Variants in SLC6A2 observed in about 807,000 individuals in gnomAD.
SLC6A2 encodes the protein solute carrier family 6 member 2.
Under a neutral mutation model 71.7 loss-of-function variants are expected in SLC6A2, and 26 were observed. The observed-to-expected ratio is 0.36, with a 90% confidence interval of 0.27 to 0.50. The LOEUF is 0.50. Among genes scored for constraint, SLC6A2 ranks in the 20% least tolerant of loss-of-function variants. The pLI, the probability that SLC6A2 is intolerant of heterozygous loss-of-function variation, is 0.96. For synonymous variants in SLC6A2, 363 were observed against 337.9 expected (o/e 1.07, Z -0.82); for missense variants, 581 against 803.9 (o/e 0.72, Z 3.35).
intron 13 of SLC6A2, 46 bp downstream of exon 13, chr16:55,700,352 G>A: frequency 6.6e-7 from 1 of 1,524,442 alleles, no homozygotes; most frequent in African/African-American, 1.4e-5. Flanking sequence ...AGGGGGCTGA[G>A]GGGGAAGACG....
At position 55,692,038 on chromosome 16, in the gene SLC6A2, T is replaced by C. The variant is rs1965650297; in HGVS notation, c.904T>C (p.Leu302=). ...NAYLHIDFYR[L]KEATVWIDAA... is the part of the protein sequence containing the mutation. ...CTACCTGCACATCGACTTCTACCGC[T>C]TGAAAGAGGCCACGGTCAGTGCTCA... is the stretch of plus-strand genomic sequence containing the variant. The change falls in exon 6 of 15, where the codon TTG becomes CTG. Residue 302 remains leucine (L), a synonymous_variant. Transcript: ENST00000568943. 6.2e-7 allele frequency: 1 copy of C among 1,614,156 alleles called. No homozygotes were observed. The highest frequency in any genetic ancestry group is 8.5e-7 in the Non-Finnish European group (1 of 1,180,024).
In SLC6A2 at chr16:55,703,045, T is replaced by C. The variant is rs1166894905; in HGVS notation, c.*699T>C. 7.1e-6 allele frequency: 7 copies of C among 986,646 alleles called. No individual in the cohort carries two copies. Among genetic ancestry groups the C allele is most frequent in the African/African-American group, 1.7e-5 (1 of 57,230 alleles). The allele number at this position is 986,646 out of a possible 1,614,324, so 61.1% of individuals were successfully genotyped here. A position where few individuals can be genotyped will look rare whatever the true frequency, so the allele number is the denominator to read the frequency against. ...TTGGTGGTCAGATGGCCCAGAGATATGGGGGACAGGAGGAAGAGGGTAAAT... is the reference window on the plus strand; with the variant it reads ...TTGGTGGTCAGATGGCCCAGAGATACGGGGGACAGGAGGAAGAGGGTAAAT... On this transcript the variant is annotated 3_prime_UTR_variant, in exon 15 of 15. Transcript: ENST00000568943.
intron 4 of SLC6A2, among the ~76,000 whole-genome samples, chr16:55,681,771 C>A (rs2142546475): frequency 6.6e-6 from 1 of 152,366 alleles, no homozygotes; most frequent in African/African-American, 2.4e-5. Context: ...CTGCCTCTGG[C>A]AGACAGACAA....
rs1331932710 is a variant in SLC6A2 at position 55,703,339 on chromosome 16, T to G, written c.*993T>G. 1 of 985,364 alleles carries G rather than the reference T, an allele frequency of 1.0e-6. No homozygotes were observed. The highest frequency in any genetic ancestry group is 1.2e-6 in the Non-Finnish European group (1 of 829,968). 61.0% of individuals were successfully genotyped at this position (985,364 alleles called of 1,614,324 possible). Reference sequence around the variant, plus strand: ...GGCTGTTGTGTTAATTTATTGTTCTTGCACACCTGCACAGCCTCCCTCTGG... The same window carrying G: ...GGCTGTTGTGTTAATTTATTGTTCTGGCACACCTGCACAGCCTCCCTCTGG... On this transcript the variant is annotated 3_prime_UTR_variant, in exon 15 of 15. Transcript: ENST00000568943.
chr16:55,658,361 A>C (rs1421657792), intron 2 of SLC6A2, among the ~76,000 whole-genome samples: 5 of 152,108 alleles, frequency 3.3e-5, no homozygotes. Context: ...AAAATACAAA[A>C]ACTTAGCTGG....
rs760211721 is a variant in SLC6A2 at position 55,656,744 on chromosome 16, C to T, written c.50C>T (p.Ala17Val). The T allele has an allele frequency of 8.7e-6, 14 of 1,612,884 alleles. No individual in the cohort carries two copies. The Admixed American group carries it at 1.7e-4, about 19-fold the overall frequency. ...NPQVQPENNGADTGPEQPLRA... is the reference protein window; with the variant it reads ...NPQVQPENNGVDTGPEQPLRA... ...CAGGTGCAGCCCGAGAACAACGGGGCGGACACGGGTCCAGAGCAGCCCCTT... is the reference window on the plus strand; with the variant it reads ...CAGGTGCAGCCCGAGAACAACGGGGTGGACACGGGTCCAGAGCAGCCCCTT... The change falls in exon 2 of 15, where the codon GCG (alanine) becomes GTG (valine). Residue 17 changes from alanine (A) to valine (V), a missense_variant. Ala to Val is a moderately conservative substitution (Grantham distance 64, BLOSUM62 0). Coordinates refer to ENST00000568943, the MANE Select transcript of SLC6A2 (RefSeq NM_001172501.3). This position sits in a 1 kb window ranked among gnomAD's most constrained non-coding sequence, Gnocchi z 4.5.
Position 55,672,022 on chromosome 16 carries a change from TCTC to T in SLC6A2, c.497_499del (p.Ser166del). The T allele has an allele frequency of 6.2e-7, 1 of 1,614,070 alleles. No homozygotes were observed. Among genetic ancestry groups the T allele is most frequent in the Non-Finnish European group, 8.5e-7 (1 of 1,180,012 alleles). Reference sequence around the variant, plus strand: ...ATCGCCTGGTCACTCTACTACCTCTTCTCCTCCTTCACCCTCAACCTGCCCTGG... The same window carrying T: ...ATCGCCTGGTCACTCTACTACCTCTTCTCCTTCACCCTCAACCTGCCCTGG... On this transcript the variant is annotated inframe_deletion, in exon 4 of 15. Transcript: ENST00000568943.
chr16:55,675,604 G>A (rs1471158683), intron 4 of SLC6A2, among the ~76,000 whole-genome samples: 2 of 152,266 alleles, frequency 1.3e-5, no homozygotes, highest in African/African-American at 4.8e-5. Context: ...TGATAGAAAT[G>A]GTCTATATCT....
chr16:55,677,216 G>A (rs997439864), intron 4 of SLC6A2, among the ~76,000 whole-genome samples: 4 of 152,164 alleles, frequency 2.6e-5, no homozygotes, highest in Non-Finnish European at 5.9e-5. Context: ...CAGAGAGCTT[G>A]CAGGTGGGGG....
Position 55,704,446 on chromosome 16 carries a change from A to T in SLC6A2, c.*2100A>T, listed in dbSNP as rs1436612558. 1 of 152,068 alleles carries T rather than the reference A, an allele frequency of 6.6e-6. No homozygotes were observed. The highest frequency in any genetic ancestry group is 6.6e-5 in the Admixed American group (1 of 15,266). The allele number at this position is 152,068 out of a possible 1,614,324, so 9.4% of individuals were successfully genotyped here. A position where few individuals can be genotyped will look rare whatever the true frequency, so the allele number is the denominator to read the frequency against. ...CACCCAGGACTGTCATTTTTAAAAA[A>T]CTCATTCAAACCGCAAAGGAAAATT... On this transcript the variant is annotated 3_prime_UTR_variant, in exon 15 of 15. Coordinates refer to ENST00000568943, the MANE Select transcript of SLC6A2 (RefSeq NM_001172501.3).
chr16:55,699,452 C>A, intron 11 of SLC6A2, 102 bp from the exon 12 acceptor site: 1 of 869,860 alleles, frequency 1.1e-6, no homozygotes, highest in Non-Finnish European at 2.0e-6. Flanking sequence ...CAGCATCTTG[C>A]CTCACTGCCC....
Position 55,669,617 on chromosome 16 carries a change from G to A in SLC6A2, c.327G>A (p.Leu109=). 1 of 1,614,104 alleles carries A rather than the reference G, an allele frequency of 6.2e-7. No individual in the cohort carries two copies. The change falls in exon 3 of 15, where the codon CTG becomes CTA. Residue 109 remains leucine (L), a synonymous_variant. Coordinates refer to ENST00000568943, the MANE Select transcript of SLC6A2 (RefSeq NM_001172501.3). ...TCCTTATCATCGCGGGGATGCCCCT[G>A]TTCTACATGGAGCTGGCTCTGGGAC... ...TLFLIIAGMP[L]FYMELALGQY...
intron 2 of SLC6A2, 141 bp downstream of exon 2, chr16:55,657,109 C>A: frequency 4.6e-6 from 4 of 861,666 alleles, no homozygotes; most frequent in Non-Finnish European, 3.5e-6. Context: ...CTGGACAGGG[C>A]TAACGGGAAA....
In SLC6A2 at chr16:55,656,487, T is replaced by C; in HGVS notation, c.-51-157T>C. On this transcript the variant is annotated intron_variant, in intron 1 of 14. Coordinates refer to ENST00000568943, the MANE Select transcript of SLC6A2 (RefSeq NM_001172501.3). This position sits in a 1 kb window ranked among gnomAD's most constrained non-coding sequence, Gnocchi z 4.5. ...GTTCCGGCGTGCCCCAACCTCTGTTTCCAAATTTTTCCAGCGGACGCGCGC... is the reference window on the plus strand; with the variant it reads ...GTTCCGGCGTGCCCCAACCTCTGTTCCCAAATTTTTCCAGCGGACGCGCGC... The C allele has an allele frequency of 1.6e-6, 1 of 631,970 alleles. No individual in the cohort carries two copies. The highest frequency in any genetic ancestry group is 2.7e-5 in the Admixed American group (1 of 37,180). The allele number at this position is 631,970 out of a possible 1,614,324, so 39.1% of individuals were successfully genotyped here.
intron 2 of SLC6A2, among the ~76,000 whole-genome samples, chr16:55,665,168 G>A (rs1366106467): frequency 1.3e-5 from 2 of 152,202 alleles, no homozygotes; most frequent in African/African-American, 4.8e-5. Context: ...GGAGCTCCAA[G>A]AGCTGAGAAT....
Position 55,657,751 on chromosome 16 carries a change from C to T in SLC6A2, c.274+783C>T, listed in dbSNP as rs1596938029. On this transcript the variant is annotated intron_variant, in intron 2 of 14. Transcript: ENST00000568943. ...CAGTGGAACAGCCACACTCTCTCCCCCTTCTGCTGGATGGTCCAACTGGCC... is the reference window on the plus strand; with the variant it reads ...CAGTGGAACAGCCACACTCTCTCCCTCTTCTGCTGGATGGTCCAACTGGCC... Among the ~76,000 whole-genome samples, 3 of 152,084 alleles carry T rather than the reference C, an allele frequency of 2.0e-5. No homozygotes were observed. The South Asian group carries it at 6.2e-4, about 31-fold the overall frequency.
chr16:55,699,898 G>A (rs1321880287), intron 12 of SLC6A2, among the ~76,000 whole-genome samples: 4 of 152,100 alleles, frequency 2.6e-5, no homozygotes, highest in African/African-American at 7.2e-5. Context: ...GTCACCTTCT[G>A]TTCTTCCTCT....
Position 55,704,317 on chromosome 16 carries a change from C to G in SLC6A2, c.*1971C>G, listed in dbSNP as rs1209949158. 1 of 152,206 alleles carries G rather than the reference C, an allele frequency of 6.6e-6. No homozygotes were observed. Among genetic ancestry groups the G allele is most frequent in the Non-Finnish European group, 1.5e-5 (1 of 68,052 alleles). 9.4% of individuals were successfully genotyped at this position (152,206 alleles called of 1,614,324 possible). ...GCCCAGCATTTTAGTCACTCTTGCTCAAGGTTTTTTAGCAACTAACAGATC... is the reference window on the plus strand; with the variant it reads ...GCCCAGCATTTTAGTCACTCTTGCTGAAGGTTTTTTAGCAACTAACAGATC... On this transcript the variant is annotated 3_prime_UTR_variant, in exon 15 of 15. Transcript: ENST00000568943.
chr16:55,691,100 G>C (rs572846513), intron 5 of SLC6A2, among the ~76,000 whole-genome samples: 5 of 151,914 alleles, frequency 3.3e-5, no homozygotes, highest in East Asian at 3.9e-4. Flanking sequence ...ATGCTTAAAG[G>C]GGGGTAAAGA....
Sources: gnomAD v4.1 joint callset for allele counts (sites outside exome capture counted in the v4.1 genomes callset) on GRCh38, gnomAD v4.1.1 for gene constraint, Gnocchi (gnomAD v3.1) non-coding constraint, MANE v1.5 for transcripts, NCBI Gene and HGNC (gene_info 2026-07-23, HGNC 2026-07-21) for gene names.